The following ETNK1 variants were observed in gnomAD, a reference collection of about 807,000 sequenced individuals.
ETNK1 encodes the protein ethanolamine kinase 1, also known as putative protein product of Nbla10396.
Under a neutral mutation model 45.1 loss-of-function variants are expected in ETNK1, and 8 were observed. The ratio of observed to expected loss-of-function variants is 0.18; its 90% confidence interval spans 0.10 to 0.32. The LOEUF (loss-of-function observed/expected upper bound fraction) is 0.32. Among genes scored for constraint, ETNK1 ranks in the 10% least tolerant of loss-of-function variants. The pLI is 1.00. For synonymous variants in ETNK1, 152 were observed against 151.9 expected, an observed-to-expected ratio of 1.00 and a Z score of -0.01; for missense variants, 302 against 430.6, an observed-to-expected ratio of 0.70 and a Z score of 2.64.
Position 22,643,702 on chromosome 12 carries a change from T to A in ETNK1, c.157-61T>A, listed in dbSNP as rs1043718056. 8 of 1,400,838 alleles carry A rather than the reference T, an allele frequency of 5.7e-6. No individual in the cohort carries two copies. The Admixed American group carries it at 1.5e-4, about 27-fold the overall frequency. The allele number at this position is 1,400,838 out of a possible 1,614,324, so 86.8% of individuals were successfully genotyped here. On this transcript the variant is annotated intron_variant, in intron 1 of 7. Transcript: ENST00000266517. ...TTTAACTCATGATTTTCAATTTATC[T>A]CCTGTTCTCTAAAGATAGATAATTG... is the stretch of plus-strand genomic sequence containing the variant.
chr12:22,630,044 C>T (rs1953554848), intron 1 of ETNK1, among the ~76,000 whole-genome samples: 1 of 152,140 alleles, frequency 6.6e-6, no homozygotes, highest in Non-Finnish European at 1.5e-5. Flanking sequence ...TGTATAATAG[C>T]CATGTAACTT....
chr12:22,669,797 C>T (rs918608163), intron 4 of ETNK1, among the ~76,000 whole-genome samples: 2 of 148,960 alleles, frequency 1.3e-5, no homozygotes, highest in African/African-American at 2.5e-5. Context: ...TAGCAAGACC[C>T]CGTCTCTACA....
chr12:22,685,296 G>A lies in ETNK1; in HGVS notation c.*342G>A, dbSNP rs1325834377. The A allele has an allele frequency of 1.1e-5, 2 of 176,302 alleles. No homozygotes were observed. Among genetic ancestry groups the A allele is most frequent in the Non-Finnish European group, 2.4e-5 (2 of 84,028 alleles). 10.9% of individuals were successfully genotyped at this position (176,302 alleles called of 1,614,324 possible). A position where few individuals can be genotyped will look rare whatever the true frequency, so the allele number is the denominator to read the frequency against. On this transcript the variant is annotated 3_prime_UTR_variant, in exon 8 of 8. Coordinates refer to ENST00000266517, the MANE Select transcript of ETNK1 (RefSeq NM_018638.5). Reference sequence around the variant, plus strand: ...GACTGTTTTTCTCTGTTTCACGTTCGTTGAGTGTAAGCAATGAAAATGTCC... The same window carrying A: ...GACTGTTTTTCTCTGTTTCACGTTCATTGAGTGTAAGCAATGAAAATGTCC...
At position 22,658,126 on chromosome 12, in the gene ETNK1, A is replaced by G. The variant is rs532554889; in HGVS notation, c.417-888A>G. 8.6e-4 allele frequency among the ~76,000 whole-genome samples: 130 copies of G among 150,608 alleles called. 1 individual carries two copies. The highest frequency in any genetic ancestry group is 8.5e-3 in the Admixed American group (129 of 15,260). On this transcript the variant is annotated intron_variant, in intron 2 of 7. Coordinates refer to ENST00000266517, the MANE Select transcript of ETNK1 (RefSeq NM_018638.5). ...TGAAGTTCCTTAGGAAAATCATGCT[A>G]ACAAGAACTAGGTAGACAGATCTGG...
intron 6 of ETNK1, among the ~76,000 whole-genome samples, chr12:22,683,552 T>C (rs1954233148): frequency 6.6e-6 from 1 of 152,172 alleles, no homozygotes; most frequent in African/African-American, 2.4e-5. Flanking sequence ...AAATGATAGA[T>C]CTGACACTAA....
In ETNK1 at chr12:22,625,437, A is replaced by G; in HGVS notation, c.7A>G (p.Asn3Asp). The G allele has an allele frequency of 6.3e-7, 1 of 1,587,788 alleles. No homozygotes were observed. The highest frequency in any genetic ancestry group is 8.6e-7 in the Non-Finnish European group (1 of 1,168,170). The change falls in exon 1 of 8, where the codon AAT becomes GAT. Residue 3 changes from asparagine (N) to aspartate (D), a missense_variant. Transcript: ENST00000266517. MA[N>D]YIHVPPGSPE... The stretch of plus-strand genomic sequence containing the variant: ...CTCCGCCGTCGCCTGGGCCATGGCC[A>G]ATTACATCCACGTCCCTCCCGGCTC...
At position 22,685,119 on chromosome 12, in the gene ETNK1, T is replaced by G; in HGVS notation, c.*165T>G. The G allele has an allele frequency of 3.7e-6, 2 of 541,108 alleles. No homozygotes were observed. The highest frequency in any genetic ancestry group is 6.5e-6 in the Non-Finnish European group (2 of 309,260). The allele number at this position is 541,108 out of a possible 1,614,324, so 33.5% of individuals were successfully genotyped here. A position where few individuals can be genotyped will look rare whatever the true frequency, so the allele number is the denominator to read the frequency against. On this transcript the variant is annotated 3_prime_UTR_variant, in exon 8 of 8. Coordinates refer to ENST00000266517, the MANE Select transcript of ETNK1 (RefSeq NM_018638.5). Reference sequence around the variant, plus strand: ...AAATCTATTTTTGAAATAGACTGAATGATGTCAAGAAATATACCTACTGCT... The same window carrying G: ...AAATCTATTTTTGAAATAGACTGAAGGATGTCAAGAAATATACCTACTGCT...
chr12:22,685,000 T>A lies in ETNK1; in HGVS notation c.*46T>A. On this transcript the variant is annotated 3_prime_UTR_variant, in exon 8 of 8. Transcript: ENST00000266517. ...CCAGTAGCTGAGCAATGCTTGTGAA[T>A]CTTTTCTTAAGAAATCCCAAAAAGC... The A allele has an allele frequency of 7.2e-7, 1 of 1,386,140 alleles. No individual in the cohort carries two copies. Among genetic ancestry groups the A allele is most frequent in the South Asian group, 1.3e-5 (1 of 77,808 alleles). The allele number at this position is 1,386,140 out of a possible 1,614,324, so 85.9% of individuals were successfully genotyped here. A position where few individuals can be genotyped will look rare whatever the true frequency, so the allele number is the denominator to read the frequency against.
chr12:22,652,543 T>C (rs1285501902), intron 2 of ETNK1, among the ~76,000 whole-genome samples: 3 of 152,230 alleles, frequency 2.0e-5, no homozygotes, highest in Middle Eastern at 3.2e-3. Context: ...GTAACCATTC[T>C]AATGGATATG....
Position 22,685,269 on chromosome 12 carries a change from G to A in ETNK1, c.*315G>A, listed in dbSNP as rs1283938473. The stretch of plus-strand genomic sequence containing the variant: ...TTTATTATAAACTTAGCACGATTCT[G>A]TGACTGTTTTTCTCTGTTTCACGTT... On this transcript the variant is annotated 3_prime_UTR_variant, in exon 8 of 8. Coordinates refer to ENST00000266517, the MANE Select transcript of ETNK1 (RefSeq NM_018638.5). The A allele has an allele frequency of 1.0e-5, 2 of 196,010 alleles. No homozygotes were observed. The highest frequency in any genetic ancestry group is 1.7e-4 in the South Asian group (1 of 5,846). 12.1% of individuals were successfully genotyped at this position (196,010 alleles called of 1,614,324 possible).
At chr12:22,682,313 A>G in intron 6 of ETNK1, 1 of 491,738 alleles carries the variant, frequency 2.0e-6, no homozygotes, top group Admixed American at 2.1e-5. Flanking sequence ...TTGGCAACAA[A>G]TATTGTCAGT....
chr12:22,643,815 C>T lies in ETNK1; in HGVS notation c.209C>T (p.Thr70Ile). The change falls in exon 2 of 8, where the codon ACC becomes ATC. Residue 70 changes from threonine (T) to isoleucine (I), a missense_variant. Thr to Ile is a moderately conservative substitution (Grantham distance 89). Coordinates refer to ENST00000266517, the MANE Select transcript of ETNK1 (RefSeq NM_018638.5). ...CTTATTGGCTGTTACGTGGGAAACA[C>T]CATGGAGGATGTAGTCCTGGTGAGA... ...NKLIGCYVGN[T>I]MEDVVLVRIY... is the part of the protein sequence containing the mutation. 6.2e-7 allele frequency: 1 copy of T among 1,613,112 alleles called. No individual in the cohort carries two copies. Among genetic ancestry groups the T allele is most frequent in the Non-Finnish European group, 8.5e-7 (1 of 1,179,362 alleles).
At chr12:22,653,857 TCA>T (rs1297491188) in intron 2 of ETNK1, among the ~76,000 whole-genome samples, 2 of 152,226 alleles carry the variant, frequency 1.3e-5, no homozygotes, top group Non-Finnish European at 2.9e-5. Flanking sequence ...TTAAATCTCT[TCA>T]CAGAGCCTAG....
At chr12:22,662,349 A>C (rs1270841426) in intron 4 of ETNK1, among the ~76,000 whole-genome samples, 1 of 149,122 alleles carries the variant, frequency 6.7e-6, no homozygotes, top group Non-Finnish European at 1.5e-5. Context: ...CGGCCTCCCA[A>C]AGCGCTGGGA....
At chr12:22,654,313 A>T (rs1953914063) in intron 2 of ETNK1, among the ~76,000 whole-genome samples, 1 of 152,238 alleles carries the variant, frequency 6.6e-6, no homozygotes, top group Admixed American at 6.5e-5. Context: ...AGTAATTCTG[A>T]GACCTGTAGA....
intron 1 of ETNK1, among the ~76,000 whole-genome samples, chr12:22,630,228 G>A (rs765862173): frequency 1.3e-5 from 2 of 152,120 alleles, no homozygotes; most frequent in Non-Finnish European, 2.9e-5. Context: ...CTACAATTAC[G>A]CATCGCATGT....
chr12:22,625,803 T>C, intron 1 of ETNK1: 1 of 763,114 alleles, frequency 1.3e-6, no homozygotes, highest in Non-Finnish European at 2.3e-6. Context: ...AGGCACATTT[T>C]CTCTTTCTAG....
At chr12:22,652,573 T>G (rs1250624163) in intron 2 of ETNK1, among the ~76,000 whole-genome samples, 1 of 152,192 alleles carries the variant, frequency 6.6e-6, no homozygotes, top group Non-Finnish European at 1.5e-5. Flanking sequence ...CACATTGTGC[T>G]TTTGATTTGC....
intron 1 of ETNK1, among the ~76,000 whole-genome samples, chr12:22,633,571 G>A (rs1953611910): frequency 6.6e-6 from 1 of 151,978 alleles, no homozygotes; most frequent in Admixed American, 6.6e-5. Flanking sequence ...CTCAATTTTG[G>A]GATTCCCACA....
Sources: allele counts gnomAD v4.1 joint callset (sites outside exome capture counted in the v4.1 genomes callset), GRCh38; gene constraint gnomAD v4.1.1; transcripts MANE v1.5; gene names NCBI Gene and HGNC (gene_info 2026-07-23, HGNC 2026-07-21).